Variants in ARB2A observed in about 807,000 individuals in gnomAD.
ARB2A encodes the protein ARB2 cotranscriptional regulator A, also known as cotranscriptional regulator ARB2A.
At chr5:93,866,126 A>G in the ARB2A span, 3 of 985,408 alleles carry the variant, frequency 3.0e-6, no homozygotes, top group African/African-American at 5.2e-5. Flanking sequence ...ATGAAAAAAG[A>G]GGATAATACA....
the ARB2A span, among the ~76,000 whole-genome samples, chr5:93,880,999 T>C: frequency 6.6e-6 from 1 of 151,708 alleles, no homozygotes. Context: ...CCAGTAAACC[T>C]TACCCCCCAA....
At chr5:93,925,659 G>A in the ARB2A span, among the ~76,000 whole-genome samples, 3 of 152,102 alleles carry the variant, frequency 2.0e-5, no homozygotes, top group South Asian at 2.1e-4. Context: ...GACTATGGTC[G>A]ATGACAGGTA....
the ARB2A span, among the ~76,000 whole-genome samples, chr5:93,994,465 C>T: frequency 1.3e-5 from 2 of 152,090 alleles, no homozygotes; most frequent in African/African-American, 4.8e-5. Context: ...CTAAAATAGT[C>T]AAACTCACAG....
chr5:93,762,835 A>G, the ARB2A span, among the ~76,000 whole-genome samples: 1 of 152,256 alleles, frequency 6.6e-6, no homozygotes, highest in East Asian at 1.9e-4. Context: ...GAAGCCCATC[A>G]GACTAACAGC....
the ARB2A span, among the ~76,000 whole-genome samples, chr5:94,001,190 C>G: frequency 6.6e-6 from 1 of 151,984 alleles, no homozygotes; most frequent in Non-Finnish European, 1.5e-5. Context: ...AAATAACTTG[C>G]TGGGATTTTT....
the ARB2A span, among the ~76,000 whole-genome samples, chr5:94,101,040 C>T: frequency 6.6e-6 from 1 of 151,806 alleles, no homozygotes; most frequent in Non-Finnish European, 1.5e-5. Flanking sequence ...TAATCAGATG[C>T]ATAGTTGGCA....
chr5:93,929,494 A>G, the ARB2A span, among the ~76,000 whole-genome samples: 1 of 152,316 alleles, frequency 6.6e-6, no homozygotes, highest in East Asian at 1.9e-4. Flanking sequence ...TAAGGGCAGC[A>G]AGTTGCTTTA....
the ARB2A span, among the ~76,000 whole-genome samples, chr5:94,093,008 T>C: frequency 6.6e-6 from 1 of 152,204 alleles, no homozygotes; most frequent in East Asian, 1.9e-4. Flanking sequence ...CTGTATTGCA[T>C]CTTCTTAAAA....
the ARB2A span, among the ~76,000 whole-genome samples, chr5:93,792,514 G>A: frequency 6.6e-6 from 1 of 152,070 alleles, no homozygotes; most frequent in African/African-American, 2.4e-5. Flanking sequence ...GGCAGGTTAA[G>A]ATACATTCCC....
chr5:93,852,132 T>G, the ARB2A span, among the ~76,000 whole-genome samples: 1 of 152,188 alleles, frequency 6.6e-6, no homozygotes, highest in Non-Finnish European at 1.5e-5. Context: ...CCTGACTTTT[T>G]AATGATTGCC....
At chr5:93,853,967 C>T in the ARB2A span, among the ~76,000 whole-genome samples, 3 of 152,128 alleles carry the variant, frequency 2.0e-5, no homozygotes, top group African/African-American at 7.2e-5. Context: ...TGATGCTGGC[C>T]TCATAAAATG....
the ARB2A span, among the ~76,000 whole-genome samples, chr5:94,100,347 A>T: frequency 4.6e-5 from 7 of 152,336 alleles, no homozygotes; most frequent in East Asian, 1.3e-3. Context: ...CAACATCATT[A>T]AAATGGCTAT....
chr5:93,847,194 CTT>C, the ARB2A span, among the ~76,000 whole-genome samples: 1 of 152,184 alleles, frequency 6.6e-6, no homozygotes, highest in African/African-American at 2.4e-5. Flanking sequence ...TCAGTCACAT[CTT>C]GAGGCTCCAT....
At chr5:93,913,698 T>C in the ARB2A span, among the ~76,000 whole-genome samples, 1 of 152,014 alleles carries the variant, frequency 6.6e-6, no homozygotes, top group South Asian at 2.1e-4. Flanking sequence ...TGTGTTTAAG[T>C]AATTTTCTTT....
the ARB2A span, among the ~76,000 whole-genome samples, chr5:93,985,677 G>A: frequency 6.6e-5 from 10 of 152,168 alleles, no homozygotes; most frequent in Non-Finnish European, 1.2e-4. Context: ...TGCCCGCCTC[G>A]GCCTCCCGAG....
the ARB2A span, chr5:93,964,469 C>A: frequency 2.5e-6 from 4 of 1,573,360 alleles, no homozygotes; most frequent in South Asian, 2.3e-5. Flanking sequence ...GGAATAGATA[C>A]TTTTTTCAAA....
chr5:93,923,468 T>C, the ARB2A span, among the ~76,000 whole-genome samples: 4 of 152,178 alleles, frequency 2.6e-5, no homozygotes, highest in African/African-American at 7.2e-5. Flanking sequence ...AATTTTTCTT[T>C]TTGTGTTTTT....
At chr5:94,051,649 G>T in the ARB2A span, among the ~76,000 whole-genome samples, 5 of 152,126 alleles carry the variant, frequency 3.3e-5, no homozygotes, top group African/African-American at 1.2e-4. Context: ...AACCTCACAC[G>T]CTGGTGAGCA....
the ARB2A span, among the ~76,000 whole-genome samples, chr5:94,110,906 T>G: frequency 6.6e-6 from 1 of 152,118 alleles, no homozygotes; most frequent in African/African-American, 2.4e-5. Flanking sequence ...GCCCAACAGA[T>G]ATAGACCCTG....
Sources: gnomAD v4.1 joint callset for allele counts (sites outside exome capture counted in the v4.1 genomes callset) on GRCh38, gnomAD v4.1.1 for gene constraint, MANE v1.5 for transcripts, NCBI Gene and HGNC (gene_info 2026-07-23, HGNC 2026-07-21) for gene names.